The following ZZEF1 variants were observed in gnomAD, a reference collection of about 807,000 sequenced individuals.
ZZEF1 encodes the protein zinc finger ZZ-type and EF-hand domain containing 1, also known as zinc finger ZZ-type and EF-hand domain-containing protein 1.
Under a neutral mutation model 342.8 loss-of-function variants are expected in ZZEF1, and 157 were observed. The ratio of observed to expected loss-of-function variants is 0.46; its 90% CI spans 0.40 to 0.52. The LOEUF (loss-of-function observed/expected upper bound fraction) is 0.52. Ranked by LOEUF, ZZEF1 falls within the 20% of genes least tolerant of loss-of-function variation. ZZEF1 has a pLI of 0.00. For synonymous variants in ZZEF1, 1,505 were observed against 1,429.1 expected (o/e 1.05, Z -1.20); for missense variants, 3,480 against 3,725.6 (o/e 0.93, Z 1.72).
chr17:4,103,950 T>G (rs2058168320), intron 8 of ZZEF1, among the ~76,000 whole-genome samples: 1 of 152,122 alleles, frequency 6.6e-6, no homozygotes, highest in Non-Finnish European at 1.5e-5. Context: ...GAAATGTCAC[T>G]GGAATACTGC....
Position 4,109,670 on chromosome 17 carries a change from T to G in ZZEF1, c.1260A>C (p.Thr420=). The change falls in exon 6 of 55, where the codon ACA becomes ACC. Residue 420 remains threonine, a synonymous_variant. Coordinates refer to ENST00000381638, the MANE Select transcript of ZZEF1 (RefSeq NM_015113.4). ...SMETNPAFVQ[T]VLHNTQKALR... ...TGACTTACTGAGTATTGTGCAGCAC[T>G]GTCTGGACAAAGGCGGGATTTGTCT... 1 of 1,614,128 alleles carries G rather than the reference T, an allele frequency of 6.2e-7. No individual in the cohort carries two copies. The highest frequency in any genetic ancestry group is 1.3e-5 in the African/African-American group (1 of 75,036).
intron 42 of ZZEF1, among the ~76,000 whole-genome samples, chr17:4,029,570 A>C (rs1007874730): frequency 2.0e-5 from 3 of 152,146 alleles, no homozygotes; most frequent in African/African-American, 7.2e-5. Flanking sequence ...TTCTATTGCC[A>C]AGGAAGAAAG....
intron 4 of ZZEF1, among the ~76,000 whole-genome samples, chr17:4,113,471 G>T (rs1040891142): frequency 2.0e-5 from 3 of 152,154 alleles, no homozygotes; most frequent in Non-Finnish European, 2.9e-5. Context: ...CTTGAGACCA[G>T]CCTGCCAACA....
At position 4,124,275 on chromosome 17, in the gene ZZEF1, TTCCAAGAGAGTAACCATTAAGTAA is replaced by T. The variant is rs549598682; in HGVS notation, c.355-248_355-225del. On this transcript the variant is annotated intron_variant, in intron 1 of 54. Coordinates refer to ENST00000381638, the MANE Select transcript of ZZEF1 (RefSeq NM_015113.4). The stretch of plus-strand genomic sequence containing the variant: ...CATCTTATTTGTATTCCAATCTATA[TTCCAAGAGAGTAACCATTAAGTAA>T]TCCAAGAGAGTAATTATGTAGTAAG... Among the ~76,000 whole-genome samples, 117 of 152,340 alleles carry T rather than the reference TTCCAAGAGAGTAACCATTAAGTAA, an allele frequency of 7.7e-4. 2 individuals are homozygous for T. Among genetic ancestry groups the T allele is most frequent in the African/African-American group, 2.7e-3 (111 of 41,580 alleles).
rs1482187662 is a variant in ZZEF1, at chr17:4,075,332, G to A, written c.3332C>T (p.Ser1111Phe). 6.2e-7 allele frequency: 1 copy of A among 1,614,216 alleles called. No individual in the cohort carries two copies. Among genetic ancestry groups the A allele is most frequent in the Admixed American group, 1.7e-5 (1 of 60,022 alleles). Residue 1111 changes from serine to phenylalanine, a missense_variant, in exon 22 of 55, where the codon TCC (serine) becomes TTC (phenylalanine). By Grantham distance (155) the Ser-to-Phe change is radical. This residue lies in a region of ZZEF1 where 1,528 missense variants were observed against 1,624.1 expected (regional missense o/e 0.94). Coordinates refer to ENST00000381638, the MANE Select transcript of ZZEF1 (RefSeq NM_015113.4). The stretch of plus-strand genomic sequence containing the variant: ...GGTTGCCCCTGGGCTAACAAAGACG[G>A]ATACCTCATGGCAATTATTTTCATA... The part of the protein sequence containing the change: ...HNYENNCHEV[S>F]VFVSPGATYF...
intron 33 of ZZEF1, among the ~76,000 whole-genome samples, chr17:4,055,823 G>C (rs919676722): frequency 2.0e-5 from 3 of 152,192 alleles, no homozygotes; most frequent in Admixed American, 2.0e-4. Flanking sequence ...TTTGGCACCA[G>C]GGACCAATTT....
intron 1 of ZZEF1, among the ~76,000 whole-genome samples, chr17:4,133,870 AGTTT>A (rs976839635): frequency 3.3e-5 from 5 of 151,874 alleles, no homozygotes; most frequent in African/African-American, 1.2e-4. Flanking sequence ...ATGCTCAGCT[AGTTT>A]TTTATTTTTT....
intron 1 of ZZEF1, among the ~76,000 whole-genome samples, chr17:4,137,536 T>C (rs923913340): frequency 3.9e-5 from 6 of 152,130 alleles, no homozygotes; most frequent in Non-Finnish European, 1.5e-5. Context: ...GGTGTGAACC[T>C]GGGAGGCGGA....
In ZZEF1 at chr17:4,054,109, T is replaced by C. The variant is rs772229898; in HGVS notation, c.5382A>G (p.Arg1794=). The change falls in exon 34 of 55, where the codon CGA becomes CGG. Residue 1794 remains arginine (R), a synonymous_variant. Transcript: ENST00000381638. ...TGTCGCTGCACTGCAGACAGCGGTA[T>C]CGATGCCAGGGGGCAATCTCATCAC... The part of the protein sequence containing the change: ...DGCDEIAPWH[R]YRCLQCSDMD... The C allele has an allele frequency of 1.2e-6, 2 of 1,613,794 alleles. No homozygotes were observed. Among genetic ancestry groups the C allele is most frequent in the East Asian group, 2.2e-5 (1 of 44,878 alleles).
chr17:4,059,406 C>A, intron 30 of ZZEF1, 116 bp from the exon 31 acceptor site: 1 of 1,311,868 alleles, frequency 7.6e-7, no homozygotes, highest in South Asian at 1.4e-5. Context: ...CAAAGCGGCA[C>A]AGGAACTTAA....
intron 30 of ZZEF1, among the ~76,000 whole-genome samples, chr17:4,061,716 C>T (rs1008077540): frequency 1.2e-4 from 18 of 152,018 alleles, no homozygotes; most frequent in African/African-American, 4.1e-4. Flanking sequence ...CCCATGATTC[C>T]TTTCCTTCAT....
chr17:4,074,449 T>C (rs2057569648), intron 23 of ZZEF1, 98 bp from the exon 24 acceptor site: 1 of 1,257,272 alleles, frequency 8.0e-7, no homozygotes, highest in Non-Finnish European at 1.1e-6. Context: ...CAGTTTAAAA[T>C]TGATCTCTAT....
At position 4,104,886 on chromosome 17, in the gene ZZEF1, TGATCAACACAAGTAACA is replaced by T. The variant is rs2058185627; in HGVS notation, c.1395-92_1395-76del. The T allele has an allele frequency of 3.1e-6, 4 of 1,306,152 alleles. No homozygotes were observed. The South Asian group carries it at 5.5e-5, about 18-fold the overall frequency. 80.9% of individuals were successfully genotyped at this position (1,306,152 alleles called of 1,614,324 possible). A position where few individuals can be genotyped will look rare whatever the true frequency, so the allele number is the denominator to read the frequency against. ...CCAGGTAGCTCAAACCCCATGTAAGTGATCAACACAAGTAACATTAACCTGCCATATGCTTTCTACAG... is the reference window on the plus strand; with the variant it reads ...CCAGGTAGCTCAAACCCCATGTAAGTTTAACCTGCCATATGCTTTCTACAG... On this transcript the variant is annotated intron_variant, in intron 7 of 54. Coordinates refer to ENST00000381638, the MANE Select transcript of ZZEF1 (RefSeq NM_015113.4).
chr17:4,134,891 C>T (rs1052328174), intron 1 of ZZEF1, among the ~76,000 whole-genome samples: 1 of 151,918 alleles, frequency 6.6e-6, no homozygotes, highest in African/African-American at 2.4e-5. Flanking sequence ...AAGTATATGG[C>T]GAGGGAGAGG....
At chr17:4,021,929 G>T (rs1330137163) in intron 44 of ZZEF1, among the ~76,000 whole-genome samples, 1 of 151,150 alleles carries the variant, frequency 6.6e-6, no homozygotes, top group Non-Finnish European at 1.5e-5. Flanking sequence ...ATAGAGTTTG[G>T]AGGGTTTTTT....
At chr17:4,050,622 CG>C (rs1431441341) in intron 36 of ZZEF1, among the ~76,000 whole-genome samples, 158 bp downstream of exon 36, 1 of 152,188 alleles carries the variant, frequency 6.6e-6, no homozygotes, top group Non-Finnish European at 1.5e-5. Context: ...TAAAATCCAT[CG>C]GGGAACTTAA....
intron 6 of ZZEF1, among the ~76,000 whole-genome samples, chr17:4,106,871 G>GT (rs1180981717): frequency 6.6e-6 from 1 of 152,132 alleles, no homozygotes; most frequent in East Asian, 1.9e-4. Context: ...AATGATAATG[G>GT]TAATGAAAAT....
At position 4,017,258 on chromosome 17, in the gene ZZEF1, G is replaced by C; in HGVS notation, c.8001+113C>G. ...ACCTTTGCTGCATTCACACCTGTCA[G>C]GGAGCTGCACAGCCACACAGGTAGC... On this transcript the variant is annotated intron_variant, in intron 48 of 54. Transcript: ENST00000381638. This position sits in a 1 kb window ranked among gnomAD's most constrained non-coding sequence, Gnocchi z 5.1. 1.4e-6 allele frequency: 2 copies of C among 1,432,814 alleles called. No homozygotes were observed. Among genetic ancestry groups the C allele is most frequent in the Admixed American group, 2.2e-5 (1 of 46,116 alleles). 88.8% of individuals were successfully genotyped at this position (1,432,814 alleles called of 1,614,324 possible).
At chr17:4,118,247 A>C (rs1294304922) in intron 2 of ZZEF1, among the ~76,000 whole-genome samples, 8 of 152,124 alleles carry the variant, frequency 5.3e-5, no homozygotes, top group Non-Finnish European at 1.0e-4. Context: ...GTGCACACCC[A>C]ACTTTAGGCT....
Sources: gnomAD v4.1 joint callset for allele counts (sites outside exome capture counted in the v4.1 genomes callset) on GRCh38, gnomAD v4.1.1 for gene constraint, gnomAD v4.1.1 regional missense constraint, Gnocchi (gnomAD v3.1) non-coding constraint, MANE v1.5 for transcripts, NCBI Gene and HGNC (gene_info 2026-07-23, HGNC 2026-07-21) for gene names.